Variants in COLGALT2 observed in about 807,000 individuals in gnomAD.
The protein encoded by COLGALT2 is collagen beta(1-O)galactosyltransferase 2.
COLGALT2 carries 49 observed loss-of-function variants against 73.4 expected under a neutral mutation model. The observed-to-expected ratio is 0.67, with a 90% CI of 0.53 to 0.85. The LOEUF is 0.85. COLGALT2 is among the 40% of genes least tolerant of loss of function. The pLI, the probability that COLGALT2 is intolerant of heterozygous loss-of-function variation, is 0.00. For synonymous variants in COLGALT2, 295 were observed against 307.6 expected (o/e 0.96, Z 0.43); for missense variants, 722 against 790.2 (o/e 0.91, Z 1.03).
At chr1:183,993,100 C>T (rs1011947888) in intron 1 of COLGALT2, among the ~76,000 whole-genome samples, 1 of 152,160 alleles carries the variant, frequency 6.6e-6, no homozygotes, top group Non-Finnish European at 1.5e-5. Flanking sequence ...ATATTTAAAA[C>T]ATGTATTTTT....
At chr1:184,010,236 A>T (rs1198391894) in intron 1 of COLGALT2, among the ~76,000 whole-genome samples, 2 of 152,234 alleles carry the variant, frequency 1.3e-5, no homozygotes, top group African/African-American at 2.4e-5. Flanking sequence ...CAGTAATACC[A>T]AAGTTTCCAA....
At chr1:184,009,554 C>G (rs1672179441) in intron 1 of COLGALT2, among the ~76,000 whole-genome samples, 1 of 152,152 alleles carries the variant, frequency 6.6e-6, no homozygotes, top group African/African-American at 2.4e-5. Context: ...ATGAATCCCC[C>G]TTACTTCCTC....
At chr1:183,959,604 C>A (rs888276775) in intron 6 of COLGALT2, among the ~76,000 whole-genome samples, 1 of 151,976 alleles carries the variant, frequency 6.6e-6, no homozygotes. Context: ...GAGCTCACAT[C>A]CCAATCACCA....
chr1:183,935,941 G>C lies in COLGALT2; in HGVS notation c.*2820C>G, dbSNP rs561278170. The C allele has an allele frequency of 2.0e-6, 2 of 985,384 alleles. No individual in the cohort carries two copies. Among genetic ancestry groups the C allele is most frequent in the African/African-American group, 3.5e-5 (2 of 57,326 alleles). 61.0% of individuals were successfully genotyped at this position (985,384 alleles called of 1,614,324 possible). On this transcript the variant is annotated 3_prime_UTR_variant, in exon 12 of 12. Transcript: ENST00000361927. ...GCAAGACAGATGATGCAGGGGAACGGGTGTCCACTCTTTCTTGTTCTCAGA... is the reference window on the plus strand; with the variant it reads ...GCAAGACAGATGATGCAGGGGAACGCGTGTCCACTCTTTCTTGTTCTCAGA...
chr1:184,025,339 G>T (rs573448105), intron 1 of COLGALT2, among the ~76,000 whole-genome samples: 7 of 152,358 alleles, frequency 4.6e-5, no homozygotes, highest in African/African-American at 1.4e-4. Flanking sequence ...GGAAACAAAA[G>T]AAGCTAATCT....
intron 8 of COLGALT2, among the ~76,000 whole-genome samples, chr1:183,950,206 G>A (rs929314591): frequency 6.6e-6 from 1 of 152,146 alleles, no homozygotes; most frequent in Non-Finnish European, 1.5e-5. Flanking sequence ...GGTCTGAGAT[G>A]GGACTGAGGG....
chr1:183,984,875 G>A (rs12044468), intron 1 of COLGALT2, among the ~76,000 whole-genome samples: 11,843 of 152,122 alleles, frequency 0.078, 805 homozygotes, highest in East Asian at 0.4. Context: ...GCACATGTAG[G>A]GATCCCCTTG....
rs1669952312 is a variant in COLGALT2, at chr1:183,936,321, G to A, written c.*2440C>T. 1 of 983,854 alleles carries A rather than the reference G, an allele frequency of 1.0e-6. No homozygotes were observed. The highest frequency in any genetic ancestry group is 1.2e-6 in the Non-Finnish European group (1 of 829,204). The allele number at this position is 983,854 out of a possible 1,614,324, so 60.9% of individuals were successfully genotyped here. A position where few individuals can be genotyped will look rare whatever the true frequency, so the allele number is the denominator to read the frequency against. On this transcript the variant is annotated 3_prime_UTR_variant, in exon 12 of 12. Transcript: ENST00000361927. ...CTGAAGAGATGACTTTAAAAAAAAAGTCACATCTGCGGCTCACAGTGTTCA... is the reference window on the plus strand; with the variant it reads ...CTGAAGAGATGACTTTAAAAAAAAAATCACATCTGCGGCTCACAGTGTTCA...
At chr1:184,035,607 T>C (rs992555059) in intron 1 of COLGALT2, among the ~76,000 whole-genome samples, 5 of 152,212 alleles carry the variant, frequency 3.3e-5, no homozygotes, top group Admixed American at 6.5e-5. Context: ...GCAAAGCATG[T>C]GCCTGACACC....
intron 1 of COLGALT2, among the ~76,000 whole-genome samples, chr1:184,018,742 C>T (rs1649084417): frequency 6.6e-6 from 1 of 152,068 alleles, no homozygotes; most frequent in African/African-American, 2.4e-5. Flanking sequence ...ACACAGAAGC[C>T]TCTACATAAA....
At chr1:183,949,137 GTTAA>G (rs1670326240) in intron 8 of COLGALT2, among the ~76,000 whole-genome samples, 1 of 152,140 alleles carries the variant, frequency 6.6e-6, no homozygotes, top group African/African-American at 2.4e-5. Context: ...ACTTCATATT[GTTAA>G]CACGGAAATA....
rs72733484 is a variant in COLGALT2, at chr1:183,959,618, T to C, written c.952+4283A>G. Reference sequence around the variant, plus strand: ...AGAGCTCACATCCCAATCACCATCATGTCCCACCAGGAGAGAGGTACTGGT... The same window carrying C: ...AGAGCTCACATCCCAATCACCATCACGTCCCACCAGGAGAGAGGTACTGGT... On this transcript the variant is annotated intron_variant, in intron 6 of 11. Coordinates refer to ENST00000361927, the MANE Select transcript of COLGALT2 (RefSeq NM_015101.4). Among the ~76,000 whole-genome samples the C allele has an allele frequency of 1.7e-3, 266 of 152,100 alleles. 1 individual carries two copies. The highest frequency in any genetic ancestry group is 3.1e-3 in the Non-Finnish European group (212 of 67,980).
intron 4 of COLGALT2, among the ~76,000 whole-genome samples, chr1:183,970,920 C>T (rs1265864248): frequency 3.3e-5 from 5 of 152,124 alleles, no homozygotes; most frequent in African/African-American, 4.8e-5. Context: ...AAAGGGGACT[C>T]GGGTTTTTTA....
intron 1 of COLGALT2, among the ~76,000 whole-genome samples, chr1:183,996,846 G>C (rs896789914): frequency 6.6e-6 from 1 of 152,190 alleles, no homozygotes; most frequent in Admixed American, 6.5e-5. Flanking sequence ...TATAAATGGG[G>C]TGAATATGCA....
At chr1:184,036,541 C>T (rs1374839532) in intron 1 of COLGALT2, among the ~76,000 whole-genome samples, 1 of 152,104 alleles carries the variant, frequency 6.6e-6, no homozygotes, top group African/African-American at 2.4e-5. Context: ...CCAGGTCCCC[C>T]TAGGAGAGCT....
chr1:183,941,662 G>A (rs1215885107), intron 10 of COLGALT2, among the ~76,000 whole-genome samples: 2 of 152,176 alleles, frequency 1.3e-5, no homozygotes, highest in Non-Finnish European at 2.9e-5. Flanking sequence ...TCCCCCTTGT[G>A]AAAGCATCCC....
Position 183,938,193 on chromosome 1 carries a change from TAA to T in COLGALT2, c.*566_*567del, listed in dbSNP as rs2102785215. ...CCCACCCCTACTGGATAACAGGGAC[TAA>T]GATTTTTTTTTTTTAAAAAATCTAC... On this transcript the variant is annotated 3_prime_UTR_variant, in exon 12 of 12. Transcript: ENST00000361927. The T allele has an allele frequency of 1.0e-6, 1 of 955,454 alleles. No individual in the cohort carries two copies. Among genetic ancestry groups the T allele is most frequent in the East Asian group, 1.2e-4 (1 of 8,336 alleles). The allele number at this position is 955,454 out of a possible 1,614,324, so 59.2% of individuals were successfully genotyped here. A position where few individuals can be genotyped will look rare whatever the true frequency, so the allele number is the denominator to read the frequency against.
chr1:184,004,650 T>A (rs559503985), intron 1 of COLGALT2, among the ~76,000 whole-genome samples: 48 of 152,306 alleles, frequency 3.2e-4, no homozygotes, highest in Non-Finnish European at 5.3e-4. Flanking sequence ...TTTACAAACA[T>A]CCTGAGGGAC....
chr1:183,944,118 TGGAGGTGGGGCTCTCTGCGCATTGG>T, intron 10 of COLGALT2, 53 bp downstream of exon 10: 1 of 1,456,578 alleles, frequency 6.9e-7, no homozygotes, highest in Non-Finnish European at 9.2e-7. Context: ...CTACTGGCTG[TGGAGGTGGGGCTCTCTGCGCATTGG>T]AAAGGACTGA....
Sources: gnomAD v4.1 joint callset for allele counts (sites outside exome capture counted in the v4.1 genomes callset) on GRCh38, gnomAD v4.1.1 for gene constraint, MANE v1.5 for transcripts, NCBI Gene and HGNC (gene_info 2026-07-23, HGNC 2026-07-21) for gene names.